SPATA1: variants seen among roughly 807,000 people sequenced by gnomAD.
SPATA1 encodes spermatogenesis associated 1.
A neutral mutation model predicts 59.6 loss-of-function variants in SPATA1; 57 were observed. The observed-to-expected ratio is 0.96, with a 90% CI of 0.77 to 1.19. The LOEUF (loss-of-function observed/expected upper bound fraction) is 1.19, where lower values mean the gene tolerates loss of function less well. Ranked by LOEUF, SPATA1 falls within the 50% of genes most tolerant of loss-of-function variation. SPATA1 has a pLI of 0.00. For synonymous variants in SPATA1, 147 were observed against 163.9 expected, an observed-to-expected ratio of 0.90 and a Z score of 0.79; for missense variants, 448 against 480.7, an observed-to-expected ratio of 0.93 and a Z score of 0.64.
At chr1:84,523,148 C>G (rs181186179) in intron 4 of SPATA1, among the ~76,000 whole-genome samples, 4 of 152,034 alleles carry the variant, frequency 2.6e-5, no homozygotes, top group Non-Finnish European at 5.9e-5. Context: ...CAGGTGATCT[C>G]CCTGCCTCAG....
rs1682244141 is a variant in SPATA1, at chr1:84,506,425, A to C, written c.-138+7A>C. On this transcript the variant is annotated splice_region_variant and intron_variant, in intron 1 of 12. Transcript: ENST00000490879. ...AGGGGCCGATTAGGGAGAGGTAAGG[A>C]GAGAGCTTACCGTTAGCCGCGAAGA... is the stretch of plus-strand genomic sequence containing the variant. 2 of 189,130 alleles carry C rather than the reference A, an allele frequency of 1.1e-5. No homozygotes were observed. The highest frequency in any genetic ancestry group is 2.3e-5 in the African/African-American group (1 of 42,564). 11.7% of individuals were successfully genotyped at this position (189,130 alleles called of 1,614,324 possible). A position where few individuals can be genotyped will look rare whatever the true frequency, so the allele number is the denominator to read the frequency against.
At chr1:84,506,787 G>C (rs1359052424) in intron 1 of SPATA1, 1 of 152,378 alleles carries the variant, frequency 6.6e-6, no homozygotes, top group Non-Finnish European at 1.5e-5. Flanking sequence ...CCGGGCGGGC[G>C]GGGAGCAGGG....
intron 8 of SPATA1, among the ~76,000 whole-genome samples, chr1:84,542,937 C>A (rs1307625390): frequency 1.3e-5 from 2 of 152,050 alleles, no homozygotes; most frequent in Non-Finnish European, 2.9e-5. Flanking sequence ...CCTATATATA[C>A]TATATATACT....
At chr1:84,545,847 A>G (rs1260851088) in intron 10 of SPATA1, 88 bp downstream of exon 10, 13 of 974,586 alleles carry the variant, frequency 1.3e-5, no homozygotes, top group Non-Finnish European at 1.8e-5. Flanking sequence ...TAAAGTTATA[A>G]TTAATATTTA....
intron 1 of SPATA1, among the ~76,000 whole-genome samples, chr1:84,511,127 T>C (rs12040469): frequency 0.53 from 79,646 of 150,814 alleles, 23,197 homozygotes; most frequent in East Asian, 0.77. Flanking sequence ...CAATAATTTA[T>C]TATACATTTT....
chr1:84,529,199 C>T (rs1264292906), intron 6 of SPATA1, among the ~76,000 whole-genome samples: 1 of 152,068 alleles, frequency 6.6e-6, no homozygotes, highest in African/African-American at 2.4e-5. Flanking sequence ...TAAATCACCA[C>T]ACAAACAAAT....
chr1:84,508,118 A>C (rs191509851), intron 1 of SPATA1, among the ~76,000 whole-genome samples: 1 of 152,272 alleles, frequency 6.6e-6, no homozygotes, highest in Non-Finnish European at 1.5e-5. Flanking sequence ...TCTCTACTAA[A>C]AAATACAAAA....
At chr1:84,532,480 A>G (rs546937430) in intron 6 of SPATA1, among the ~76,000 whole-genome samples, 1 of 152,188 alleles carries the variant, frequency 6.6e-6, no homozygotes, top group South Asian at 2.1e-4. Flanking sequence ...TGGGCGACAG[A>G]GCAAGTCTCT....
intron 11 of SPATA1, chr1:84,549,624 G>A (rs1035401816): frequency 2.6e-5 from 4 of 151,880 alleles, no homozygotes; most frequent in Non-Finnish European, 4.4e-5. Flanking sequence ...GAGACATGAA[G>A]TTTATTTTAT....
At chr1:84,512,888 G>A (rs866078089) in intron 1 of SPATA1, among the ~76,000 whole-genome samples, 5 of 152,266 alleles carry the variant, frequency 3.3e-5, no homozygotes, top group Middle Eastern at 3.4e-3. Context: ...GAGTTGTGAA[G>A]CAAAATTATG....
At chr1:84,563,678 G>T (rs886840234) in intron 4 of SPATA1, 6 of 1,023,746 alleles carry the variant, frequency 5.9e-6, no homozygotes, top group Middle Eastern at 3.3e-4. Flanking sequence ...TGAAAACAGA[G>T]AGACTCTAAA....
intron 1 of SPATA1, among the ~76,000 whole-genome samples, chr1:84,509,046 C>G (rs1417527554): frequency 1.3e-5 from 2 of 152,090 alleles, no homozygotes; most frequent in Non-Finnish European, 2.9e-5. Context: ...TGACATTCTT[C>G]ACAGAAGTAT....
chr1:84,528,282 G>T (rs1683315877), intron 6 of SPATA1, among the ~76,000 whole-genome samples: 1 of 152,112 alleles, frequency 6.6e-6, no homozygotes, highest in African/African-American at 2.4e-5. Flanking sequence ...ATGTCTTCTT[G>T]ATAAACTGAC....
rs181021903 is a variant in SPATA1, at chr1:84,540,428, T to A, written c.718-3774T>A. On this transcript the variant is annotated intron_variant, in intron 8 of 12. Transcript: ENST00000490879. ...AAAAATTTGTCCTTCTGCTTTTGAT[T>A]TGCTACCTCTAAAATTATGCTCTGA... is the stretch of plus-strand genomic sequence containing the variant. Among the ~76,000 whole-genome samples, 327 of 152,282 alleles carry A rather than the reference T, an allele frequency of 2.1e-3. 3 individuals are homozygous for A. The highest frequency in any genetic ancestry group is 7.5e-3 in the African/African-American group (312 of 41,562).
chr1:84,531,966 C>A (rs573105582), intron 6 of SPATA1, among the ~76,000 whole-genome samples: 24 of 152,164 alleles, frequency 1.6e-4, no homozygotes, highest in African/African-American at 5.8e-4. Context: ...TTAATACTGC[C>A]AGGTTCGTGT....
At chr1:84,524,060 C>T (rs1282253896) in intron 4 of SPATA1, among the ~76,000 whole-genome samples, 1 of 150,904 alleles carries the variant, frequency 6.6e-6, no homozygotes, top group East Asian at 1.9e-4. Context: ...AATAAAATAT[C>T]ATATTTTATA....
At chr1:84,553,177 C>T in exon 13 of SPATA1, 3 of 1,050,368 alleles carry the variant, frequency 2.9e-6, no homozygotes, top group Non-Finnish European at 4.1e-6. Flanking sequence ...TGTATTTGAA[C>T]AGATTTGTTT....
chr1:84,508,952 G>T (rs1266311469), intron 1 of SPATA1, among the ~76,000 whole-genome samples: 1 of 152,174 alleles, frequency 6.6e-6, no homozygotes, highest in Non-Finnish European at 1.5e-5. Context: ...CCATGTTCAT[G>T]TATTGGAAGA....
chr1:84,520,091 C>T (rs762334038), intron 2 of SPATA1: 1 of 152,288 alleles, frequency 6.6e-6, no homozygotes, highest in Non-Finnish European at 1.5e-5. Context: ...ATAGGTTCTT[C>T]CTGGAATTCT....
Sources: allele counts gnomAD v4.1 joint callset (sites outside exome capture counted in the v4.1 genomes callset), GRCh38; gene constraint gnomAD v4.1.1; transcripts MANE v1.5; gene names NCBI Gene and HGNC (gene_info 2026-07-23, HGNC 2026-07-21).